Variants in CCSER1 observed in about 807,000 individuals in gnomAD.
CCSER1 encodes serine-rich coiled-coil domain-containing protein 1.
CCSER1 carries 41 observed loss-of-function variants against 82.0 expected under a neutral mutation model. That is an observed-to-expected ratio of 0.50 (90% CI 0.39 to 0.65). CCSER1 has a LOEUF of 0.65. Ranked by LOEUF, CCSER1 falls within the 30% of genes least tolerant of loss-of-function variation. The pLI, the probability that CCSER1 is intolerant of heterozygous loss-of-function variation, is 0.00. For synonymous variants in CCSER1, 414 were observed against 383.9 expected, an observed-to-expected ratio of 1.08 and a Z score of -0.92; for missense variants, 1,119 against 1,064.2, an observed-to-expected ratio of 1.05 and a Z score of -0.72.
At chr4:91,029,523 A>C (rs1216381365) in intron 9 of CCSER1, among the ~76,000 whole-genome samples, 2 of 152,034 alleles carry the variant, frequency 1.3e-5, no homozygotes, top group Non-Finnish European at 1.5e-5. Context: ...AACAACCATG[A>C]AAGTTATCCT....
chr4:90,958,854 T>C (rs1304760776), intron 9 of CCSER1, among the ~76,000 whole-genome samples: 1 of 152,180 alleles, frequency 6.6e-6, no homozygotes, highest in Non-Finnish European at 1.5e-5. Flanking sequence ...TATTTTGCTC[T>C]AGTAGCCTGA....
intron 10 of CCSER1, among the ~76,000 whole-genome samples, chr4:91,229,513 C>G (rs925602116): frequency 1.3e-5 from 2 of 152,038 alleles, no homozygotes; most frequent in South Asian, 4.1e-4. Context: ...ATTTCTCATT[C>G]TACTGTAAAG....
chr4:90,682,899 A>T (rs999135008), intron 6 of CCSER1: 8 of 152,118 alleles, frequency 5.3e-5, no homozygotes, highest in Non-Finnish European at 8.8e-5. Flanking sequence ...ACATTGACAG[A>T]AAAAGATAAT....
At chr4:91,345,175 G>A (rs566254002) in intron 10 of CCSER1, among the ~76,000 whole-genome samples, 3 of 152,134 alleles carry the variant, frequency 2.0e-5, no homozygotes, top group South Asian at 2.1e-4. Flanking sequence ...CAGATCACTT[G>A]AGGATCAGGA....
At chr4:91,438,264 G>A (rs1186308750) in intron 10 of CCSER1, among the ~76,000 whole-genome samples, 2 of 152,136 alleles carry the variant, frequency 1.3e-5, no homozygotes, top group South Asian at 2.1e-4. Context: ...TCACACGGCC[G>A]GGTACTCTTC....
chr4:90,620,407 G>C (rs1406572461), intron 5 of CCSER1, among the ~76,000 whole-genome samples: 3 of 152,004 alleles, frequency 2.0e-5, no homozygotes, highest in African/African-American at 7.2e-5. Flanking sequence ...ATACATGATG[G>C]ACTATTATTC....
intron 7 of CCSER1, among the ~76,000 whole-genome samples, chr4:90,811,898 G>T (rs1758350197): frequency 9.6e-6 from 1 of 104,648 alleles, no homozygotes. Flanking sequence ...CAGAACTGAT[G>T]GAATATATAT....
intron 10 of CCSER1, among the ~76,000 whole-genome samples, chr4:91,454,683 TATTA>T (rs1455225022): frequency 2.0e-5 from 3 of 152,108 alleles, no homozygotes; most frequent in African/African-American, 2.4e-5. Flanking sequence ...AAAAGGAAGC[TATTA>T]ATTGTAAATT....
intron 10 of CCSER1, among the ~76,000 whole-genome samples, chr4:91,335,148 G>T (rs1011286107): frequency 6.6e-6 from 1 of 151,966 alleles, no homozygotes; most frequent in Non-Finnish European, 1.5e-5. Context: ...TAGATTGTTC[G>T]TGTTGTCAGC....
intron 10 of CCSER1, among the ~76,000 whole-genome samples, chr4:91,478,178 TA>T (rs1272316422): frequency 1.3e-5 from 2 of 152,042 alleles, no homozygotes; most frequent in East Asian, 3.9e-4. Flanking sequence ...AAAGTATTAA[TA>T]ACTTGCTGGA....
intron 4 of CCSER1, among the ~76,000 whole-genome samples, chr4:90,404,619 C>T (rs955135766): frequency 1.3e-5 from 2 of 152,180 alleles, no homozygotes; most frequent in African/African-American, 4.8e-5. Context: ...ACTTCACTCC[C>T]CTGCTACCTC....
At chr4:90,610,409 A>G (rs1032042565) in intron 5 of CCSER1, among the ~76,000 whole-genome samples, 10 of 152,286 alleles carry the variant, frequency 6.6e-5, no homozygotes, top group African/African-American at 2.4e-4. Context: ...TCTTGTCTTA[A>G]ACATGTGAGA....
At chr4:90,729,736 C>T (rs908761609) in intron 7 of CCSER1, among the ~76,000 whole-genome samples, 4 of 151,864 alleles carry the variant, frequency 2.6e-5, no homozygotes, top group African/African-American at 4.8e-5. Flanking sequence ...ATTAGCCTGG[C>T]GTGGTTGTGG....
intron 7 of CCSER1, among the ~76,000 whole-genome samples, chr4:90,731,305 T>C (rs1043930256): frequency 6.6e-6 from 1 of 152,182 alleles, no homozygotes; most frequent in Non-Finnish European, 1.5e-5. Flanking sequence ...ATTAGTAAAA[T>C]CTTATTTGTT....
intron 10 of CCSER1, among the ~76,000 whole-genome samples, chr4:91,411,461 G>C (rs114292152): frequency 0.024 from 2,608 of 110,906 alleles, 90 homozygotes; most frequent in African/African-American, 0.082. Flanking sequence ...CTATCTGGAA[G>C]TAATTAATCA....
intron 9 of CCSER1, among the ~76,000 whole-genome samples, chr4:91,074,061 G>C (rs1266732552): frequency 6.6e-6 from 1 of 152,150 alleles, no homozygotes; most frequent in Non-Finnish European, 1.5e-5. Context: ...GACTCTTGTC[G>C]TTCTTTGGGC....
At chr4:91,126,629 G>T (rs1416289780) in intron 10 of CCSER1, among the ~76,000 whole-genome samples, 2 of 151,840 alleles carry the variant, frequency 1.3e-5, no homozygotes, top group Non-Finnish European at 2.9e-5. Flanking sequence ...AGTTTAGAAT[G>T]GCAGCATATA....
chr4:91,579,305 G>T (rs957165502), intron 10 of CCSER1, among the ~76,000 whole-genome samples: 1 of 151,464 alleles, frequency 6.6e-6, no homozygotes, highest in Non-Finnish European at 1.5e-5. Flanking sequence ...TAATGGTGGG[G>T]ATAGGACTCC....
intron 3 of CCSER1, among the ~76,000 whole-genome samples, chr4:90,329,521 TGTTA>T (rs1561039865): frequency 1.3e-5 from 2 of 152,160 alleles, no homozygotes; most frequent in African/African-American, 2.4e-5. Flanking sequence ...ACCATGACAG[TGTTA>T]GTTCCTTTCA....
Sources: allele counts gnomAD v4.1 joint callset (sites outside exome capture counted in the v4.1 genomes callset), GRCh38; gene constraint gnomAD v4.1.1; transcripts MANE v1.5; gene names NCBI Gene and HGNC (gene_info 2026-07-23, HGNC 2026-07-21).